The following MYO5C variants were observed in gnomAD, a reference collection of about 807,000 sequenced individuals.
MYO5C encodes the protein myosin VC.
A neutral mutation model predicts 235.7 loss-of-function variants in MYO5C; 194 were observed. That is an observed-to-expected ratio of 0.82 (90% CI 0.73 to 0.93). MYO5C has a LOEUF of 0.93. MYO5C is among the 40% of genes least tolerant of loss of function. MYO5C has a pLI of 0.00. For synonymous variants in MYO5C, 707 were observed against 754.8 expected, an observed-to-expected ratio of 0.94 and a Z score of 1.04; for missense variants, 2,038 against 2,127.2, an observed-to-expected ratio of 0.96 and a Z score of 0.82.
At chr15:52,206,115 A>T in intron 36 of MYO5C, 149 bp from the exon 37 acceptor site, 1 of 495,892 alleles carries the variant, frequency 2.0e-6, no homozygotes. Context: ...TACCTTCTAT[A>T]AGAAAAAAAT....
chr15:52,254,463 C>A (rs1055776119), intron 11 of MYO5C, among the ~76,000 whole-genome samples: 1 of 152,028 alleles, frequency 6.6e-6, no homozygotes, highest in Non-Finnish European at 1.5e-5. Flanking sequence ...AAGGTGGCAC[C>A]GGCACTTCTA....
At chr15:52,257,239 T>C (rs1369149811) in intron 10 of MYO5C, among the ~76,000 whole-genome samples, 1 of 152,156 alleles carries the variant, frequency 6.6e-6, no homozygotes, top group Non-Finnish European at 1.5e-5. Flanking sequence ...CTTTCATAGC[T>C]CCTAGAGGAA....
chr15:52,226,050 C>T (rs542395095), intron 25 of MYO5C, among the ~76,000 whole-genome samples: 2 of 127,346 alleles, frequency 1.6e-5, no homozygotes, highest in East Asian at 3.7e-4. Context: ...AACTCCACCT[C>T]GAAAAAAAAA....
chr15:52,201,101 A>G (rs1475245749), intron 38 of MYO5C, among the ~76,000 whole-genome samples: 1 of 152,216 alleles, frequency 6.6e-6, no homozygotes, highest in East Asian at 1.9e-4. Context: ...AAGAGAAGAC[A>G]AAGAGTATGA....
At chr15:52,210,932 T>C (rs1167174499) in intron 35 of MYO5C, among the ~76,000 whole-genome samples, 1 of 152,240 alleles carries the variant, frequency 6.6e-6, no homozygotes, top group African/African-American at 2.4e-5. Context: ...TGTCACACCA[T>C]GAAGAGATGA....
intron 4 of MYO5C, among the ~76,000 whole-genome samples, chr15:52,276,894 A>G (rs2037063758): frequency 6.6e-6 from 1 of 152,076 alleles, no homozygotes; most frequent in African/African-American, 2.4e-5. Context: ...CTCACATGCC[A>G]GGTGCTGGGT....
At chr15:52,287,988 AAAATT>A (rs1004294503) in intron 1 of MYO5C, among the ~76,000 whole-genome samples, 8 of 152,304 alleles carry the variant, frequency 5.3e-5, no homozygotes, top group African/African-American at 1.7e-4. Context: ...AAAAAAAAAA[AAAATT>A]AAGTTGTAAC....
chr15:52,223,491 A>T, intron 29 of MYO5C, 53 bp downstream of exon 29: 1 of 1,514,540 alleles, frequency 6.6e-7, no homozygotes. Flanking sequence ...GCCACTGACA[A>T]AGAACAACTC....
At chr15:52,257,526 C>T (rs760522478) in intron 10 of MYO5C, among the ~76,000 whole-genome samples, 10 of 152,174 alleles carry the variant, frequency 6.6e-5, no homozygotes, top group African/African-American at 1.9e-4. Context: ...CTCTGCAAAA[C>T]GTGGGCCGAA....
intron 28 of MYO5C, 54 bp downstream of exon 28, chr15:52,224,847 A>T: frequency 6.8e-7 from 1 of 1,467,124 alleles, no homozygotes; most frequent in Non-Finnish European, 9.4e-7. Context: ...ACTTTCCAAT[A>T]GTCTATTTAT....
At position 52,290,626 on chromosome 15, in the gene MYO5C, GAA is replaced by G. The variant is rs36071351; in HGVS notation, c.27+4982_27+4983del. 2.5e-3 allele frequency among the ~76,000 whole-genome samples: 338 copies of G among 136,530 alleles called. 1 individual carries two copies. The highest frequency in any genetic ancestry group is 3.1e-3 in the Non-Finnish European group (199 of 63,822). 89.6% of individuals were successfully genotyped at this position (136,530 alleles called of 152,430 possible). A position where few individuals can be genotyped will look rare whatever the true frequency, so the allele number is the denominator to read the frequency against. On this transcript the variant is annotated intron_variant, in intron 1 of 40. Transcript: ENST00000261839. ...ATTAATGAGCAAGAGCAACCTTTAGGAAAAAAAAAAAAAAAAGGTCTCCAGAG... is the reference window on the plus strand; with the variant it reads ...ATTAATGAGCAAGAGCAACCTTTAGGAAAAAAAAAAAAAAGGTCTCCAGAG...
At chr15:52,277,308 C>T in intron 4 of MYO5C, 1 of 510,254 alleles carries the variant, frequency 2.0e-6, no homozygotes, top group East Asian at 5.6e-5. Flanking sequence ...CTGAAGTGAG[C>T]ACAGCCCTAC....
Position 52,215,030 on chromosome 15 carries a change from T to G in MYO5C, c.3955-340A>C, listed in dbSNP as rs556246864. On this transcript the variant is annotated intron_variant, in intron 32 of 40. Transcript: ENST00000261839. Reference sequence around the variant, plus strand: ...TAAATAAATTCATAGAATAGGTTTTTTGTGTGTGTGTCTGGCTTCTTTCAC... The same window carrying G: ...TAAATAAATTCATAGAATAGGTTTTGTGTGTGTGTGTCTGGCTTCTTTCAC... Among the ~76,000 whole-genome samples the G allele has an allele frequency of 4.4e-4, 67 of 152,306 alleles. No individual in the cohort carries two copies. The East Asian group carries it at 7.7e-3, about 18-fold the overall frequency.
intron 1 of MYO5C, among the ~76,000 whole-genome samples, chr15:52,285,428 TCTCCCTCTC>T (rs1566995055): frequency 6.3e-5 from 7 of 110,524 alleles, no homozygotes; most frequent in African/African-American, 9.2e-5. Context: ...CTCCTCTCCC[TCTCCCTCTC>T]CCTCTCCCTC....
chr15:52,275,516 C>T (rs2037024690), intron 5 of MYO5C, 46 bp downstream of exon 5: 1 of 1,610,376 alleles, frequency 6.2e-7, no homozygotes, highest in African/African-American at 1.3e-5. Context: ...CAACCAACCC[C>T]CATTTCCATC....
chr15:52,247,783 C>A (rs556373402), intron 14 of MYO5C, among the ~76,000 whole-genome samples, 191 bp from the exon 15 acceptor site: 2 of 152,138 alleles, frequency 1.3e-5, no homozygotes, highest in African/African-American at 4.8e-5. Flanking sequence ...ACTTCTTTCC[C>A]GAGAAGGGGA....
chr15:52,269,168 C>T (rs1403897274), intron 8 of MYO5C, among the ~76,000 whole-genome samples: 1 of 152,210 alleles, frequency 6.6e-6, no homozygotes. Flanking sequence ...TTGTACTCAG[C>T]CTAGAAGAGC....
intron 11 of MYO5C, among the ~76,000 whole-genome samples, chr15:52,256,307 C>T (rs1388275910): frequency 6.6e-6 from 1 of 152,028 alleles, no homozygotes; most frequent in Non-Finnish European, 1.5e-5. Context: ...GAGAAAGCAG[C>T]AAGTGCAAAG....
chr15:52,199,053 T>C (rs2141257996), intron 38 of MYO5C, among the ~76,000 whole-genome samples: 1 of 151,808 alleles, frequency 6.6e-6, no homozygotes, highest in East Asian at 1.9e-4. Flanking sequence ...CCACCAAACC[T>C]GGCTAATTTT....
Sources: gnomAD v4.1 joint callset for allele counts (sites outside exome capture counted in the v4.1 genomes callset) on GRCh38, gnomAD v4.1.1 for gene constraint, MANE v1.5 for transcripts, NCBI Gene and HGNC (gene_info 2026-07-23, HGNC 2026-07-21) for gene names.